The following MAST4 variants were observed in gnomAD, a reference collection of about 807,000 sequenced individuals.
MAST4 encodes microtubule-associated serine/threonine-protein kinase 4.
MAST4 carries 89 observed loss-of-function variants against 162.7 expected under a neutral mutation model. The ratio of observed to expected loss-of-function variants is 0.55; its 90% confidence interval spans 0.46 to 0.65. The LOEUF (loss-of-function observed/expected upper bound fraction) is 0.65, where lower values mean the gene tolerates loss of function less well. Among genes scored for constraint, MAST4 ranks in the 30% least tolerant of loss-of-function variants. The pLI, the probability that MAST4 is intolerant of heterozygous loss-of-function variation, is 0.00. For missense variants in MAST4, 3,153 were observed against 3,374.0 expected (o/e 0.93, Z 1.62); for synonymous variants, 1,479 against 1,361.1 (o/e 1.09, Z -1.91).
intron 3 of MAST4, among the ~76,000 whole-genome samples, chr5:66,857,255 A>G (rs1218272030): frequency 1.3e-5 from 2 of 152,298 alleles, no homozygotes; most frequent in Non-Finnish European, 2.9e-5. Context: ...GCTGGTTACT[A>G]TTTCATCTCA....
At chr5:66,965,211 TTTTTTTTTTTTTGC>T (rs1334640128) in intron 4 of MAST4, among the ~76,000 whole-genome samples, 3 of 150,620 alleles carry the variant, frequency 2.0e-5, no homozygotes, top group Non-Finnish European at 4.4e-5. Context: ...AGAGTAGTTT[TTTTTTTTTTTTTGC>T]TTTTTTTTTT....
intron 3 of MAST4, among the ~76,000 whole-genome samples, chr5:66,833,939 C>G (rs1757780521): frequency 6.6e-6 from 1 of 152,156 alleles, no homozygotes; most frequent in Admixed American, 6.5e-5. Context: ...CTGAATCTCC[C>G]ATGTCCACGT....
intron 1 of MAST4, among the ~76,000 whole-genome samples, chr5:66,603,099 A>T (rs947733020): frequency 2.0e-5 from 3 of 152,200 alleles, no homozygotes; most frequent in Non-Finnish European, 4.4e-5. Context: ...CAAGAAACCT[A>T]CAAGTCCCTT....
intron 2 of MAST4, among the ~76,000 whole-genome samples, chr5:66,780,418 T>C (rs936261716): frequency 2.0e-5 from 3 of 152,172 alleles, no homozygotes; most frequent in Admixed American, 1.3e-4. Flanking sequence ...AAAGATGGTG[T>C]GTCCGGAGTT....
intron 7 of MAST4, among the ~76,000 whole-genome samples, chr5:67,100,005 C>T (rs2150846181): frequency 6.6e-6 from 1 of 152,282 alleles, no homozygotes; most frequent in East Asian, 1.9e-4. Flanking sequence ...TTGACGATCT[C>T]ATATCATACC....
chr5:66,980,274 T>A (rs1675239465), intron 4 of MAST4, among the ~76,000 whole-genome samples: 1 of 152,200 alleles, frequency 6.6e-6, no homozygotes, highest in Non-Finnish European at 1.5e-5. Flanking sequence ...CGCCTCACAC[T>A]TGGCTGTGTG....
chr5:66,690,287 G>T (rs769421973), intron 1 of MAST4, among the ~76,000 whole-genome samples: 1 of 152,164 alleles, frequency 6.6e-6, no homozygotes, highest in Non-Finnish European at 1.5e-5. Context: ...GCTTGTCAGG[G>T]TAAGATATTC....
chr5:66,791,765 T>C (rs1349455966), intron 3 of MAST4, among the ~76,000 whole-genome samples: 1 of 152,200 alleles, frequency 6.6e-6, no homozygotes, highest in Non-Finnish European at 1.5e-5. Flanking sequence ...AATTTAACCC[T>C]TATCTTTCCC....
intron 16 of MAST4, among the ~76,000 whole-genome samples, chr5:67,133,100 A>G (rs1487675368): frequency 6.6e-6 from 1 of 151,536 alleles, no homozygotes; most frequent in Non-Finnish European, 1.5e-5. Flanking sequence ...ACAATACAAT[A>G]TTTTTCTGTT....
rs1316644223 is a variant in MAST4, at chr5:67,095,586, T to A, written c.834-11T>A. 6.2e-7 allele frequency: 1 copy of A among 1,601,848 alleles called. No individual in the cohort carries two copies. Among genetic ancestry groups the A allele is most frequent in the East Asian group, 2.2e-5 (1 of 44,696 alleles). On this transcript the variant is annotated splice_polypyrimidine_tract_variant and intron_variant, in intron 6 of 28. Transcript: ENST00000403625. ...CAGTGTTGGCCTAAGCTAAACTCAC[T>A]TTCTCAATAGGACTGATGGACGCCG...
At chr5:67,150,188 T>G (rs1187780181) in intron 24 of MAST4, among the ~76,000 whole-genome samples, 2 of 152,174 alleles carry the variant, frequency 1.3e-5, no homozygotes, top group Non-Finnish European at 2.9e-5. Context: ...TTTGTTGAAT[T>G]GTAGTATTTT....
chr5:66,905,457 A>T (rs1763294672), intron 4 of MAST4, among the ~76,000 whole-genome samples: 1 of 152,160 alleles, frequency 6.6e-6, no homozygotes, highest in Non-Finnish European at 1.5e-5. Context: ...GCAATTTAAA[A>T]GGTTTTGCTT....
At chr5:67,026,456 A>C (rs1754659137) in intron 4 of MAST4, among the ~76,000 whole-genome samples, 1 of 152,214 alleles carries the variant, frequency 6.6e-6, no homozygotes, top group African/African-American at 2.4e-5. Context: ...GAGTAGAGCA[A>C]AGTGCAGAGA....
At chr5:66,666,080 A>G (rs1439309016) in intron 1 of MAST4, among the ~76,000 whole-genome samples, 1 of 152,192 alleles carries the variant, frequency 6.6e-6, no homozygotes, top group African/African-American at 2.4e-5. Context: ...CAGTTTTCCT[A>G]ATTTGCAACC....
At chr5:66,625,657 A>C (rs1355227562) in intron 1 of MAST4, among the ~76,000 whole-genome samples, 1 of 152,222 alleles carries the variant, frequency 6.6e-6, no homozygotes, top group Non-Finnish European at 1.5e-5. Context: ...GTTGGCGAGG[A>C]TATGGAGAAA....
chr5:66,947,387 G>A (rs1642730209), intron 4 of MAST4, among the ~76,000 whole-genome samples: 1 of 152,100 alleles, frequency 6.6e-6, no homozygotes, highest in Admixed American at 6.5e-5. Flanking sequence ...AAAAATGTAT[G>A]AACATTTCTC....
At chr5:67,157,996 C>T (rs1772741766) in intron 26 of MAST4, among the ~76,000 whole-genome samples, 1 of 152,172 alleles carries the variant, frequency 6.6e-6, no homozygotes. Flanking sequence ...GGTAGTATAG[C>T]CCCAGCGGTC....
chr5:66,608,814 C>CG (rs200988840), intron 1 of MAST4, among the ~76,000 whole-genome samples: 70 of 69,532 alleles, frequency 1.0e-3, no homozygotes, highest in Non-Finnish European at 1.8e-3. Context: ...AAGCGGGGGG[C>CG]GGGGGGGAGA....
chr5:67,120,877 A>C, intron 13 of MAST4, 140 bp from the exon 14 acceptor site: 1 of 603,560 alleles, frequency 1.7e-6, no homozygotes, highest in South Asian at 2.0e-5. Context: ...CTGTAAAGCT[A>C]TCCCTCAGGT....
Sources: allele counts gnomAD v4.1 joint callset (sites outside exome capture counted in the v4.1 genomes callset), GRCh38; gene constraint gnomAD v4.1.1; transcripts MANE v1.5; gene names NCBI Gene and HGNC (gene_info 2026-07-23, HGNC 2026-07-21).